ZNF514: variants seen among roughly 807,000 people sequenced by gnomAD.
ZNF514 encodes zinc finger protein 514.
In ZNF514, 12 loss-of-function variants were observed where a neutral mutation model predicts 9.7. The observed-to-expected ratio is 1.24, with a 90% CI of 0.79 to 2.01. The LOEUF (loss-of-function observed/expected upper bound fraction) is 2.01. Ranked by LOEUF, ZNF514 falls within the 30% of genes most tolerant of loss-of-function variation. The pLI is 0.00. For missense variants in ZNF514, 467 were observed against 465.5 expected, an observed-to-expected ratio of 1.00 and a Z score of -0.03; for synonymous variants, 158 against 163.7, an observed-to-expected ratio of 0.97 and a Z score of 0.27.
chr2:95,158,942 C>A (rs772153127), intron 1 of ZNF514: 2 of 1,289,758 alleles, frequency 1.6e-6, no homozygotes, highest in South Asian at 1.2e-5. Flanking sequence ...GCTCCTGGCC[C>A]TCTGCACGCT....
chr2:95,137,633 ATATGTTTTAGTTATTG>A, the ZNF514 span, among the ~76,000 whole-genome samples: 1 of 152,178 alleles, frequency 6.6e-6, no homozygotes, highest in African/African-American at 2.4e-5. Context: ...TGATATTTGA[ATATGTTTTAGTTATTG>A]TATGTTTTAG....
chr2:95,123,808 A>G, the ZNF514 span, among the ~76,000 whole-genome samples: 2 of 152,218 alleles, frequency 1.3e-5, no homozygotes, highest in South Asian at 2.1e-4. Context: ...TTGCTGGTCA[A>G]TGGTCAAGCC....
the ZNF514 span, among the ~76,000 whole-genome samples, chr2:95,124,964 C>G: frequency 6.6e-6 from 1 of 151,978 alleles, no homozygotes; most frequent in African/African-American, 2.4e-5. Flanking sequence ...TCACTGCAAA[C>G]TCCCCCTCCC....
the ZNF514 span, among the ~76,000 whole-genome samples, chr2:95,137,233 G>T: frequency 6.6e-6 from 1 of 152,128 alleles, no homozygotes; most frequent in African/African-American, 2.4e-5. Context: ...ACCCTCAAAG[G>T]ATCCATCTCT....
chr2:95,157,277 C>G, intron 2 of ZNF514, 74 bp downstream of exon 2: 1 of 1,004,028 alleles, frequency 1.0e-6, no homozygotes, highest in Non-Finnish European at 1.4e-6. Flanking sequence ...AAAAAAGAGG[C>G]TACTTTTTGG....
the ZNF514 span, among the ~76,000 whole-genome samples, chr2:95,133,676 AC>A: frequency 2.0e-5 from 3 of 152,230 alleles, no homozygotes; most frequent in Non-Finnish European, 4.4e-5. Flanking sequence ...ATACAGTATA[AC>A]AACTACTACA....
At chr2:95,141,928 A>G (rs930858290), downstream of ZNF514, among the ~76,000 whole-genome samples, 1 of 152,230 alleles carries the variant, frequency 6.6e-6, no homozygotes, top group African/African-American at 2.4e-5. Context: ...AGAATAAATT[A>G]TCTTGAATAG....
At chr2:95,141,936 T>C (rs1381699053), downstream of ZNF514, among the ~76,000 whole-genome samples, 4 of 152,198 alleles carry the variant, frequency 2.6e-5, no homozygotes, top group African/African-American at 9.6e-5. Flanking sequence ...TTATCTTGAA[T>C]AGTAGATAGC....
At chr2:95,139,675 T>C in the ZNF514 span, among the ~76,000 whole-genome samples, 2 of 152,318 alleles carry the variant, frequency 1.3e-5, no homozygotes, top group African/African-American at 2.4e-5. Context: ...CTTCAGACTT[T>C]TGAGTTAACT....
chr2:95,149,426 G>A lies in ZNF514; in HGVS notation c.1059C>T (p.Phe353=). ...GTTGAGTGAGAGATGAACTCTGGCT[G>A]AAGGCTCTCCCACATTTATTACATT... ...PYKCNKCGRA[F]SQSSSLTQHY... The change falls in exon 5 of 5, where the codon TTC becomes TTT. Residue 353 remains phenylalanine (F), a synonymous_variant. Coordinates refer to ENST00000295208, the MANE Select transcript of ZNF514 (RefSeq NM_032788.3). 1.2e-6 allele frequency: 2 copies of A among 1,614,086 alleles called. No homozygotes were observed. The highest frequency in any genetic ancestry group is 2.2e-5 in the East Asian group (1 of 44,882).
intron 2 of ZNF514, among the ~76,000 whole-genome samples, chr2:95,156,481 G>C (rs2104475814): frequency 6.6e-6 from 1 of 152,246 alleles, no homozygotes; most frequent in Non-Finnish European, 1.5e-5. Context: ...TCACTAACTA[G>C]ATAACCATGA....
chr2:95,131,483 A>G, the ZNF514 span, among the ~76,000 whole-genome samples: 1 of 152,136 alleles, frequency 6.6e-6, no homozygotes, highest in Admixed American at 6.5e-5. Context: ...TGCAGCCCCT[A>G]TGTTGCCCAG....
intron 1 of ZNF514, 123 bp from the exon 2 acceptor site, chr2:95,157,562 T>C (rs887738797): frequency 6.8e-5 from 31 of 453,608 alleles, no homozygotes; most frequent in Non-Finnish European, 1.0e-4. Context: ...AGGACACCAG[T>C]GGATCAAAAG....
In ZNF514 at chr2:95,149,704, C is replaced by A. The variant is rs751067300; in HGVS notation, c.781G>T (p.Glu261Ter). ...QRTHTGEKPY[E>*]CSECGRAFSQ... ...AAGGCTCTCCCACATTCACTGCATT[C>A]ATAGGGCTTTTCTCCAGTATGAGTT... The change falls in exon 5 of 5, where the codon GAA becomes TAA. Residue 261 changes from glutamate to a stop codon, truncating the protein, a stop_gained. Coordinates refer to ENST00000295208, the MANE Select transcript of ZNF514 (RefSeq NM_032788.3). LOFTEE classifies it low-confidence loss of function (END_TRUNC). 1.9e-6 allele frequency: 3 copies of A among 1,614,204 alleles called. No homozygotes were observed. The highest frequency in any genetic ancestry group is 2.5e-6 in the Non-Finnish European group (3 of 1,180,034).
At chr2:95,158,993 T>G (rs1178274607) in intron 1 of ZNF514, 1 of 1,283,290 alleles carries the variant, frequency 7.8e-7, no homozygotes, top group African/African-American at 1.5e-5. Context: ...TAGCTGGGGC[T>G]AAGGAGCGGC....
downstream of ZNF514, among the ~76,000 whole-genome samples, chr2:95,141,958 A>C (rs1364893190): frequency 6.6e-6 from 1 of 152,206 alleles, no homozygotes; most frequent in Non-Finnish European, 1.5e-5. Context: ...TCTGCCCAAG[A>C]TATCAGTCCA....
the ZNF514 span, among the ~76,000 whole-genome samples, chr2:95,125,828 G>GA: frequency 6.6e-6 from 1 of 152,292 alleles, no homozygotes; most frequent in Admixed American, 6.5e-5. Flanking sequence ...TCCATTGTAT[G>GA]AATAGATCAT....
the ZNF514 span, among the ~76,000 whole-genome samples, chr2:95,128,472 CTTGAACCCA>C: frequency 1.3e-4 from 19 of 151,570 alleles, no homozygotes; most frequent in Non-Finnish European, 2.5e-4. Context: ...AGGAGAATTG[CTTGAACCCA>C]GGAGGCGGAG....
downstream of ZNF514, among the ~76,000 whole-genome samples, chr2:95,143,878 A>C (rs1573371722): frequency 5.9e-5 from 9 of 152,328 alleles, 1 homozygote; most frequent in South Asian, 1.9e-3. Flanking sequence ...AAATAAATTA[A>C]AGTAGAAAGA....
Sources: allele counts gnomAD v4.1 joint callset (sites outside exome capture counted in the v4.1 genomes callset), GRCh38; gene constraint gnomAD v4.1.1; transcripts MANE v1.5; gene names NCBI Gene and HGNC (gene_info 2026-07-23, HGNC 2026-07-21).